The following NUP210L variants were observed in gnomAD, a reference collection of about 807,000 sequenced individuals.
NUP210L encodes the protein nuclear pore membrane glycoprotein 210-like.
NUP210L carries 74 observed loss-of-function variants against 208.5 expected under a neutral mutation model. The observed-to-expected ratio is 0.35, with a 90% CI of 0.29 to 0.43. The LOEUF (loss-of-function observed/expected upper bound fraction) is 0.43, where lower values mean the gene tolerates loss of function less well. Ranked by LOEUF, NUP210L falls within the 20% of genes least tolerant of loss-of-function variation. The pLI is 1.00. For synonymous variants in NUP210L, 780 were observed against 816.9 expected, an observed-to-expected ratio of 0.95 and a Z score of 0.77; for missense variants, 1,843 against 2,289.4, an observed-to-expected ratio of 0.81 and a Z score of 3.98.
intron 15 of NUP210L, among the ~76,000 whole-genome samples, chr1:154,092,405 T>C (rs1255100035): frequency 6.6e-6 from 1 of 151,038 alleles, no homozygotes; most frequent in Non-Finnish European, 1.5e-5. Context: ...AGTCTCACTC[T>C]GTCGCCCAGG....
intron 33 of NUP210L, among the ~76,000 whole-genome samples, chr1:154,013,587 AAAAC>A (rs748727145): frequency 8.6e-5 from 13 of 152,034 alleles, no homozygotes; most frequent in South Asian, 6.2e-4. Context: ...AAAACAAAAC[AAAAC>A]AAACAAACAA....
At chr1:154,148,570 A>G (rs1249620506) in intron 2 of NUP210L, among the ~76,000 whole-genome samples, 1 of 152,224 alleles carries the variant, frequency 6.6e-6, no homozygotes, top group East Asian at 1.9e-4. Context: ...TCTTTAATTG[A>G]ATCCTAGAGA....
At chr1:154,104,654 C>T in intron 12 of NUP210L, 1 of 152,904 alleles carries the variant, frequency 6.5e-6, no homozygotes, top group Non-Finnish European at 1.5e-5. Flanking sequence ...TCAGTCAGTG[C>T]CTGTGGAAGG....
chr1:154,105,650 A>G (rs2148072192), intron 12 of NUP210L, among the ~76,000 whole-genome samples: 1 of 152,314 alleles, frequency 6.6e-6, no homozygotes, highest in South Asian at 2.1e-4. Flanking sequence ...TAAGAAAAGG[A>G]AATGGAAAAG....
At chr1:154,119,287 T>C (rs1657490501) in intron 10 of NUP210L, among the ~76,000 whole-genome samples, 1 of 152,104 alleles carries the variant, frequency 6.6e-6, no homozygotes, top group Admixed American at 6.6e-5. Flanking sequence ...CAACTTTTTG[T>C]GTAAGGTTCT....
At chr1:154,079,585 T>C (rs1004321719) in intron 16 of NUP210L, 1 of 152,058 alleles carries the variant, frequency 6.6e-6, no homozygotes, top group Non-Finnish European at 1.5e-5. Flanking sequence ...ATCTAAGTTC[T>C]ACCTAGCATG....
intron 30 of NUP210L, among the ~76,000 whole-genome samples, chr1:154,024,963 T>C (rs541391787): frequency 1.5e-5 from 2 of 136,548 alleles, no homozygotes; most frequent in South Asian, 5.0e-4. Flanking sequence ...GGAGTCTTGC[T>C]GTCGCCCAGG....
chr1:154,002,496 G>A (rs527955634), intron 35 of NUP210L, among the ~76,000 whole-genome samples: 1 of 152,200 alleles, frequency 6.6e-6, no homozygotes, highest in Admixed American at 6.6e-5. Context: ...AGCCGGGTGT[G>A]ATGGTGGGTA....
chr1:154,046,079 C>T, exon 27 of NUP210L: 1 of 1,613,948 alleles, frequency 6.2e-7, no homozygotes, highest in Non-Finnish European at 8.5e-7. Flanking sequence ...CTCTGAATGC[C>T]TGGGCACTAG....
At chr1:154,053,342 C>G (rs1653630118) in intron 25 of NUP210L, among the ~76,000 whole-genome samples, 2 of 152,146 alleles carry the variant, frequency 1.3e-5, no homozygotes, top group Non-Finnish European at 2.9e-5. Context: ...GATGCAGATC[C>G]TGACTTCTGA....
At chr1:154,078,409 A>G (rs1333430590) in intron 16 of NUP210L, among the ~76,000 whole-genome samples, 3 of 152,104 alleles carry the variant, frequency 2.0e-5, no homozygotes, top group Non-Finnish European at 4.4e-5. Context: ...AGCCTGGCCA[A>G]CGTGGTGAAA....
intron 25 of NUP210L, among the ~76,000 whole-genome samples, chr1:154,051,089 T>C (rs1653462943): frequency 1.3e-5 from 2 of 152,102 alleles, no homozygotes; most frequent in Non-Finnish European, 2.9e-5. Flanking sequence ...CAGTTAGGAG[T>C]AGAATGCACC....
exon 22 of NUP210L, chr1:154,058,163 T>C (rs778651613): frequency 1.1e-5 from 18 of 1,614,006 alleles, no homozygotes; most frequent in Non-Finnish European, 1.4e-5. Flanking sequence ...GGAATGGGCG[T>C]TTGGAAGAGC....
exon 24 of NUP210L, chr1:154,054,813 A>G: frequency 6.2e-7 from 1 of 1,613,094 alleles, no homozygotes. Context: ...CTCTGGAAGA[A>G]GTCTGAATGG....
exon 30 of NUP210L, chr1:154,025,652 C>G (rs200193230): frequency 5.0e-6 from 8 of 1,613,784 alleles, no homozygotes; most frequent in Non-Finnish European, 6.8e-6. Flanking sequence ...TCACCATCCT[C>G]CTCAATGACG....
At chr1:154,115,856 T>A (rs935575135) in intron 12 of NUP210L, among the ~76,000 whole-genome samples, 1 of 151,964 alleles carries the variant, frequency 6.6e-6, no homozygotes, top group Non-Finnish European at 1.5e-5. Context: ...CAGTGGCTCA[T>A]GCCTGTAATC....
chr1:154,010,187 A>T (rs1278889825), intron 34 of NUP210L, 66 bp from the exon 35 acceptor site: 2 of 1,446,994 alleles, frequency 1.4e-6, no homozygotes, highest in Admixed American at 2.1e-5. Context: ...AGAGACCATT[A>T]TATGGAGGCA....
intron 35 of NUP210L, among the ~76,000 whole-genome samples, chr1:154,005,868 C>T (rs1433525308): frequency 6.6e-6 from 1 of 152,098 alleles, no homozygotes; most frequent in Non-Finnish European, 1.5e-5. Context: ...GGATTACAGG[C>T]ATGCGCCATC....
chr1:154,119,774 T>A (rs1255819920), intron 10 of NUP210L, among the ~76,000 whole-genome samples: 1 of 152,186 alleles, frequency 6.6e-6, no homozygotes, highest in African/African-American at 2.4e-5. Context: ...GTGCCACATT[T>A]TCTTAATCCA....
Sources: allele counts gnomAD v4.1 joint callset (sites outside exome capture counted in the v4.1 genomes callset), GRCh38; gene constraint gnomAD v4.1.1; transcripts MANE v1.5; gene names NCBI Gene and HGNC (gene_info 2026-07-23, HGNC 2026-07-21).